The following MFHAS1 variants were observed in gnomAD, a reference collection of about 807,000 sequenced individuals.
MFHAS1 encodes the protein malignant fibrous histiocytoma-amplified sequence 1.
In MFHAS1, 50 loss-of-function variants were observed where a neutral mutation model predicts 70.4. That is an observed-to-expected ratio of 0.71 (90% confidence interval 0.57 to 0.90). The LOEUF (loss-of-function observed/expected upper bound fraction) is 0.90, where lower values mean the gene tolerates loss of function less well. Among genes scored for constraint, MFHAS1 ranks in the 40% least tolerant of loss-of-function variants. MFHAS1 has a pLI of 0.00. For missense variants in MFHAS1, 1,795 were observed against 1,347.6 expected, an observed-to-expected ratio of 1.33 and a Z score of -5.20; for synonymous variants, 952 against 620.0, an observed-to-expected ratio of 1.54 and a Z score of -7.96.
At chr8:8,824,597 T>C (rs1807088332) in intron 1 of MFHAS1, among the ~76,000 whole-genome samples, 1 of 148,554 alleles carries the variant, frequency 6.7e-6, no homozygotes. Context: ...AAGAAGAAAA[T>C]GATTCTTGCC....
intron 1 of MFHAS1, among the ~76,000 whole-genome samples, chr8:8,838,020 G>C (rs749636547): frequency 1.8e-4 from 28 of 152,136 alleles, no homozygotes; most frequent in Non-Finnish European, 3.4e-4. Context: ...CCCCAAACTG[G>C]AAACAGCCTC....
At chr8:8,851,834 G>A (rs575647611) in intron 1 of MFHAS1, among the ~76,000 whole-genome samples, 3 of 152,266 alleles carry the variant, frequency 2.0e-5, no homozygotes, top group South Asian at 2.1e-4. Context: ...GATGCCCCCC[G>A]CAAAATAAAG....
chr8:8,796,718 G>A (rs1382362856), intron 2 of MFHAS1, among the ~76,000 whole-genome samples: 1 of 101,614 alleles, frequency 9.8e-6, no homozygotes, highest in East Asian at 3.4e-4. Context: ...AAAAAAGGCC[G>A]GACGTGGTGG....
chr8:8,817,666 A>G (rs13260419), intron 1 of MFHAS1, among the ~76,000 whole-genome samples: 99,681 of 152,186 alleles, frequency 0.65, 33,383 homozygotes, highest in East Asian at 0.84. Flanking sequence ...TTGGCACTAG[A>G]AACCAGTTTC....
chr8:8,793,124 T>C (rs913277861), intron 2 of MFHAS1, among the ~76,000 whole-genome samples: 5 of 151,936 alleles, frequency 3.3e-5, no homozygotes, highest in African/African-American at 1.2e-4. Context: ...GGTGGAGACC[T>C]CAACCACCAA....
Position 8,805,613 on chromosome 8 carries a change from C to T in MFHAS1, c.2999-8122G>A, listed in dbSNP as rs185126049. Among the ~76,000 whole-genome samples the T allele has an allele frequency of 2.6e-5, 4 of 152,232 alleles. No individual in the cohort carries two copies. The East Asian group carries it at 7.7e-4, about 29-fold the overall frequency. ...GGAAGAAAATCCTTCTGTAAGTGGA[C>T]CGGCACAGTTCAAACTCGTGTGTGT... On this transcript the variant is annotated intron_variant, in intron 1 of 2. Coordinates refer to ENST00000276282, the MANE Select transcript of MFHAS1 (RefSeq NM_004225.3).
In MFHAS1 at chr8:8,892,861, C is replaced by T. The variant is rs764086536; in HGVS notation, c.198G>A (p.Glu66=). 2.5e-6 allele frequency: 4 copies of T among 1,595,228 alleles called. No homozygotes were observed. The highest frequency in any genetic ancestry group is 3.4e-6 in the Non-Finnish European group (4 of 1,171,902). The change falls in exon 1 of 3, where the codon GAG becomes GAA. Residue 66 remains glutamate (E), a synonymous_variant. Coordinates refer to ENST00000276282, the MANE Select transcript of MFHAS1 (RefSeq NM_004225.3). This position sits in a 1 kb window ranked among gnomAD's most constrained non-coding sequence, Gnocchi z 4.7. The part of the protein sequence containing the change: ...LVLPANLGDI[E]ALNLGNNGLE... Reference sequence around the variant, plus strand: ...GGCCGTTGTTCCCCAGGTTCAGTGCCTCAATGTCCCCGAGGTTGGCCGGCA... The same window carrying T: ...GGCCGTTGTTCCCCAGGTTCAGTGCTTCAATGTCCCCGAGGTTGGCCGGCA...
At chr8:8,832,154 G>A (rs572121102) in intron 1 of MFHAS1, among the ~76,000 whole-genome samples, 2 of 148,728 alleles carry the variant, frequency 1.3e-5, no homozygotes, top group Non-Finnish European at 3.0e-5. Context: ...AAACTTCTAG[G>A]TGAAGGTCTT....
At chr8:8,788,858 G>A (rs147917616) in intron 2 of MFHAS1, among the ~76,000 whole-genome samples, 4 of 152,254 alleles carry the variant, frequency 2.6e-5, no homozygotes, top group East Asian at 1.9e-4. Context: ...AGGCAGCCAC[G>A]GCCCACCACG....
intron 1 of MFHAS1, chr8:8,822,154 G>T (rs1233790192): frequency 6.6e-6 from 1 of 152,492 alleles, no homozygotes; most frequent in African/African-American, 2.4e-5. Flanking sequence ...GCACCAGGCA[G>T]GCTGAGAGGA....
At chr8:8,871,441 T>G (rs905653092) in intron 1 of MFHAS1, among the ~76,000 whole-genome samples, 2 of 152,132 alleles carry the variant, frequency 1.3e-5, no homozygotes, top group Non-Finnish European at 2.9e-5. Flanking sequence ...TCCCTGCTAC[T>G]CATGACAATG....
At chr8:8,856,425 A>T (rs1808441588) in intron 1 of MFHAS1, among the ~76,000 whole-genome samples, 1 of 152,198 alleles carries the variant, frequency 6.6e-6, no homozygotes, top group South Asian at 2.1e-4. Context: ...GAAAAGAAGC[A>T]AGGGAGGTAA....
chr8:8,870,690 C>G (rs905265590), intron 1 of MFHAS1, among the ~76,000 whole-genome samples: 3 of 152,072 alleles, frequency 2.0e-5, no homozygotes, highest in Admixed American at 6.5e-5. Context: ...CAGGCCTCTC[C>G]GAGCCCCTGG....
intron 1 of MFHAS1, among the ~76,000 whole-genome samples, chr8:8,809,539 C>CA (rs1806468982): frequency 6.6e-6 from 1 of 152,200 alleles, no homozygotes; most frequent in African/African-American, 2.4e-5. Context: ...CTCGTCCCAC[C>CA]ACGCCTCCCT....
intron 1 of MFHAS1, among the ~76,000 whole-genome samples, chr8:8,887,771 G>C (rs1809823519): frequency 6.7e-6 from 1 of 150,164 alleles, no homozygotes; most frequent in Non-Finnish European, 1.5e-5. Flanking sequence ...AAGACAAGGG[G>C]CTTGTTTCTG....
At chr8:8,792,339 G>A (rs757989526) in intron 2 of MFHAS1, among the ~76,000 whole-genome samples, 6 of 152,080 alleles carry the variant, frequency 3.9e-5, no homozygotes, top group Non-Finnish European at 8.8e-5. Context: ...CGTGGCTCAC[G>A]CCTGTAATCC....
chr8:8,887,548 TATATTTTATATGTAC>T (rs1188892332), intron 1 of MFHAS1, among the ~76,000 whole-genome samples: 1 of 150,476 alleles, frequency 6.6e-6, no homozygotes. Context: ...TATATACATA[TATATTTTATATGTAC>T]ATATTTTATA....
intron 1 of MFHAS1, among the ~76,000 whole-genome samples, chr8:8,806,628 C>A (rs1316162785): frequency 2.0e-5 from 3 of 152,182 alleles, no homozygotes; most frequent in African/African-American, 4.8e-5. Flanking sequence ...TAGATGCTTT[C>A]TCTAGATTTT....
intron 2 of MFHAS1, among the ~76,000 whole-genome samples, chr8:8,787,682 A>G (rs1052690472): frequency 1.3e-5 from 2 of 152,242 alleles, no homozygotes; most frequent in African/African-American, 4.8e-5. Context: ...GTGTAAAAAC[A>G]CACGTCTCAA....
Sources: gnomAD v4.1 joint callset for allele counts (sites outside exome capture counted in the v4.1 genomes callset) on GRCh38, gnomAD v4.1.1 for gene constraint, Gnocchi (gnomAD v3.1) non-coding constraint, MANE v1.5 for transcripts, NCBI Gene and HGNC (gene_info 2026-07-23, HGNC 2026-07-21) for gene names.